GNPTAB: variants seen among roughly 807,000 people sequenced by gnomAD.
GNPTAB encodes N-acetylglucosamine-1-phosphotransferase subunits alpha/beta.
A neutral mutation model predicts 136.6 loss-of-function variants in GNPTAB; 92 were observed. The observed-to-expected ratio is 0.67, with a 90% CI of 0.57 to 0.80. GNPTAB has a LOEUF of 0.80. Ranked by LOEUF, GNPTAB falls within the 30% of genes least tolerant of loss-of-function variation. The pLI is 0.00. For missense variants in GNPTAB, 1,343 were observed against 1,501.8 expected (o/e 0.89, Z 1.75); for synonymous variants, 512 against 535.1 (o/e 0.96, Z 0.60).
At chr12:101,811,705 C>T (rs1297629787) in intron 1 of GNPTAB, among the ~76,000 whole-genome samples, 13 of 148,162 alleles carry the variant, frequency 8.8e-5, no homozygotes, top group African/African-American at 3.2e-4. Flanking sequence ...GTGGTGAGAT[C>T]TCAGCTCACT....
chr12:101,762,664 G>A (rs2137113993), intron 13 of GNPTAB, among the ~76,000 whole-genome samples: 1 of 151,952 alleles, frequency 6.6e-6, no homozygotes, highest in South Asian at 2.1e-4. Context: ...ACATCAAAAG[G>A]CAACTGCAGG....
intron 1 of GNPTAB, among the ~76,000 whole-genome samples, chr12:101,810,901 T>A (rs1310016338): frequency 6.6e-6 from 1 of 152,158 alleles, no homozygotes; most frequent in Non-Finnish European, 1.5e-5. Flanking sequence ...CTCCTGCTCA[T>A]GGAACAGCCA....
rs1869295844 is a variant in GNPTAB, at chr12:101,796,471, ATCT to A, written c.203+203_203+205del. The A allele has an allele frequency of 6.5e-6, 4 of 619,958 alleles. No individual in the cohort carries two copies. In the East Asian group the frequency reaches 1.1e-4, roughly 17 times the overall value. The allele number at this position is 619,958 out of a possible 1,614,324, so 38.4% of individuals were successfully genotyped here. ...TCACCCTTGCACAGGGGCCACACTA[ATCT>A]TCTCTGTATCGTTCCAGTTTTTTTT... On this transcript the variant is annotated intron_variant, in intron 2 of 20. Coordinates refer to ENST00000299314, the MANE Select transcript of GNPTAB (RefSeq NM_024312.5).
chr12:101,754,448 A>G (rs1473447889), intron 18 of GNPTAB, among the ~76,000 whole-genome samples: 1 of 152,164 alleles, frequency 6.6e-6, no homozygotes, highest in African/African-American at 2.4e-5. Flanking sequence ...TTAAAAAAAA[A>G]AAATCAAAAC....
chr12:101,805,248 T>A (rs907657291), intron 1 of GNPTAB, among the ~76,000 whole-genome samples: 10 of 152,236 alleles, frequency 6.6e-5, no homozygotes, highest in African/African-American at 2.4e-4. Context: ...TATCTGTTTG[T>A]GAAACTTAAT....
intron 17 of GNPTAB, 33 bp from the exon 18 acceptor site, chr12:101,757,343 TAATTAC>T: frequency 8.2e-7 from 1 of 1,215,632 alleles, no homozygotes; most frequent in Non-Finnish European, 1.2e-6. Context: ...AGAGTTTAAA[TAATTAC>T]ATGGATATAA....
chr12:101,780,435 T>C, intron 6 of GNPTAB, 122 bp downstream of exon 6: 1 of 1,070,486 alleles, frequency 9.3e-7, no homozygotes. Flanking sequence ...GTCATTAATA[T>C]TAGTAAGCTA....
At position 101,764,725 on chromosome 12, in the gene GNPTAB, G is replaced by A. The variant is rs1217594771; in HGVS notation, c.2192C>T (p.Ser731Phe). The part of the protein sequence containing the change: ...GDITLKGYNL[S>F]KSALLRSFLM... ...AAATGATCTCAGCAAGGCTGACTTG[G>A]ACAAATTGTATCCTTTCAAAGTGAT... The change falls in exon 13 of 21, where the codon TCC (serine) becomes TTC (phenylalanine). Residue 731 changes from serine to phenylalanine, a missense_variant. Ser to Phe is a radical substitution (Grantham distance 155, BLOSUM62 -2). Transcript: ENST00000299314. 2 of 1,613,420 alleles carry A rather than the reference G, an allele frequency of 1.2e-6. No individual in the cohort carries two copies. The highest frequency in any genetic ancestry group is 1.7e-4 in the Middle Eastern group (1 of 6,060).
At position 101,796,713 on chromosome 12, in the gene GNPTAB, T is replaced by A; in HGVS notation, c.167A>T (p.Tyr56Phe). ...RDQYHVLFDS[Y>F]RDNIAGKSFQ... is the part of the protein sequence containing the mutation. ...GGACTTTCCAGCAATATTGTCTCTA[T>A]AGGAATCAAACAAAACATGGTATTG... The change falls in exon 2 of 21, where the codon TAT becomes TTT. Residue 56 changes from tyrosine (Y) to phenylalanine (F), a missense_variant. Coordinates refer to ENST00000299314, the MANE Select transcript of GNPTAB (RefSeq NM_024312.5). 1 of 1,612,796 alleles carries A rather than the reference T, an allele frequency of 6.2e-7. No homozygotes were observed. Among genetic ancestry groups the A allele is most frequent in the Non-Finnish European group, 8.5e-7 (1 of 1,178,968 alleles).
chr12:101,828,280 G>C (rs987287573), intron 1 of GNPTAB, among the ~76,000 whole-genome samples: 76 of 152,128 alleles, frequency 5.0e-4, no homozygotes, highest in African/African-American at 1.7e-3. Context: ...CCATTTCAAA[G>C]ATAAGGAAGC....
intron 2 of GNPTAB, 86 bp downstream of exon 2, chr12:101,796,591 C>A: frequency 1.2e-6 from 1 of 864,202 alleles, no homozygotes; most frequent in Non-Finnish European, 2.0e-6. Flanking sequence ...TCAGAAAGAC[C>A]CCTTAAACTG....
rs781689303 is a variant in GNPTAB, at chr12:101,753,412, ACT to A, written c.3560_3561del (p.Glu1187ValfsTer10). On this transcript the variant is annotated frameshift_variant, in exon 19 of 21. Coordinates refer to ENST00000299314, the MANE Select transcript of GNPTAB (RefSeq NM_024312.5). LOFTEE classifies it high-confidence loss of function. ...PIPSQFELPR[E>X]YRNRFLHMHE... Reference sequence around the variant, plus strand: ...TGCATATGAAGGAAACGGTTTCGATACTCTCTTGGCAGTTCAAATTGGGAAGG... The same window carrying A: ...TGCATATGAAGGAAACGGTTTCGATACTCTTGGCAGTTCAAATTGGGAAGG... The A allele has an allele frequency of 1.2e-6, 2 of 1,613,916 alleles. No individual in the cohort carries two copies. Among genetic ancestry groups the A allele is most frequent in the South Asian group, 2.2e-5 (2 of 91,066 alleles).
intron 19 of GNPTAB, among the ~76,000 whole-genome samples, chr12:101,749,751 AAAGAG>A (rs1200329123): frequency 3.3e-5 from 5 of 152,234 alleles, no homozygotes; most frequent in African/African-American, 1.2e-4. Context: ...TATGGATGAG[AAAGAG>A]AAGGAGCAGT....
intron 1 of GNPTAB, among the ~76,000 whole-genome samples, 186 bp downstream of exon 1, chr12:101,830,373 C>G (rs1008306965): frequency 6.6e-6 from 1 of 152,186 alleles, no homozygotes; most frequent in Non-Finnish European, 1.5e-5. Context: ...GCCTGTAATC[C>G]CAGCACTCGG....
chr12:101,780,049 G>A, intron 7 of GNPTAB, 103 bp downstream of exon 7: 2 of 1,152,164 alleles, frequency 1.7e-6, no homozygotes, highest in South Asian at 1.2e-5. Context: ...TGCTTCTTAT[G>A]TTTATCAGCT....
At chr12:101,763,770 G>A (rs1238635486) in intron 13 of GNPTAB, among the ~76,000 whole-genome samples, 2 of 152,192 alleles carry the variant, frequency 1.3e-5, no homozygotes, top group African/African-American at 2.4e-5. Flanking sequence ...ACAGGGCAAC[G>A]AGCAGTCCAA....
chr12:101,762,064 A>G (rs1953006325), intron 13 of GNPTAB, among the ~76,000 whole-genome samples: 1 of 152,240 alleles, frequency 6.6e-6, no homozygotes, highest in Non-Finnish European at 1.5e-5. Context: ...GTGAGATGTC[A>G]AAGCTAATTC....
At chr12:101,826,709 A>C (rs1871099480) in intron 1 of GNPTAB, among the ~76,000 whole-genome samples, 1 of 152,068 alleles carries the variant, frequency 6.6e-6, no homozygotes, top group Non-Finnish European at 1.5e-5. Context: ...ATGGCCCTGA[A>C]ATAATAAATT....
At chr12:101,806,989 T>G (rs1869965583) in intron 1 of GNPTAB, among the ~76,000 whole-genome samples, 1 of 152,122 alleles carries the variant, frequency 6.6e-6, no homozygotes. Context: ...AAAGGAAACT[T>G]ATAAACCACT....
Sources: gnomAD v4.1 joint callset for allele counts (sites outside exome capture counted in the v4.1 genomes callset) on GRCh38, gnomAD v4.1.1 for gene constraint, MANE v1.5 for transcripts, NCBI Gene and HGNC (gene_info 2026-07-23, HGNC 2026-07-21) for gene names.